KAZN: variants seen among roughly 807,000 people sequenced by gnomAD.
The protein encoded by KAZN is kazrin, periplakin interacting protein.
A neutral mutation model predicts 87.4 loss-of-function variants in KAZN; 40 were observed. That is an observed-to-expected ratio of 0.46 (90% CI 0.36 to 0.60). KAZN has a LOEUF of 0.60. Among genes scored for constraint, KAZN ranks in the 20% least tolerant of loss-of-function variants. The probability of loss-of-function intolerance (pLI) is 0.00; values close to 1 mark genes in which losing one functional copy is unlikely to be tolerated. For synonymous variants in KAZN, 466 were observed against 458.3 expected, an observed-to-expected ratio of 1.02 and a Z score of -0.22; for missense variants, 898 against 1,073.9, an observed-to-expected ratio of 0.84 and a Z score of 2.29.
chr1:14,353,661 A>T (rs145033305), intron 2 of KAZN, among the ~76,000 whole-genome samples: 1 of 152,370 alleles, frequency 6.6e-6, no homozygotes, highest in East Asian at 1.9e-4. Context: ...AAACAATTGG[A>T]AAGCAAAATA....
chr1:13,978,267 G>C (rs1638472928), intron 1 of KAZN, among the ~76,000 whole-genome samples: 1 of 151,798 alleles, frequency 6.6e-6, no homozygotes, highest in Non-Finnish European at 1.5e-5. Flanking sequence ...CAGTTAGCTA[G>C]AGCCTACGTA....
chr1:14,298,934 G>A (rs1470330318), intron 2 of KAZN, among the ~76,000 whole-genome samples: 3 of 152,200 alleles, frequency 2.0e-5, no homozygotes, highest in African/African-American at 7.2e-5. Flanking sequence ...GTGCAGGCGT[G>A]GTAGTCTGGC....
At chr1:14,025,096 A>G (rs1035920900) in intron 1 of KAZN, among the ~76,000 whole-genome samples, 2 of 152,246 alleles carry the variant, frequency 1.3e-5, no homozygotes, top group African/African-American at 4.8e-5. Flanking sequence ...GGTTCCTCCC[A>G]GAGTTCCAAA....
At chr1:14,641,611 A>C (rs913539208) in intron 1 of KAZN, among the ~76,000 whole-genome samples, 8 of 152,158 alleles carry the variant, frequency 5.3e-5, no homozygotes, top group Admixed American at 2.0e-4. Context: ...AGACTAGAAG[A>C]AGCAGCCAGG....
chr1:15,034,692 A>G, intron 2 of KAZN, 57 bp from the exon 3 acceptor site: 1 of 1,599,938 alleles, frequency 6.3e-7, no homozygotes, highest in Non-Finnish European at 8.5e-7. Context: ...CTCAGCACTC[A>G]GGCATCTGGA....
intron 2 of KAZN, among the ~76,000 whole-genome samples, chr1:14,579,749 G>C (rs1675426002): frequency 6.6e-6 from 1 of 152,128 alleles, no homozygotes; most frequent in Admixed American, 6.5e-5. Context: ...AACACACTGA[G>C]TGGCTGCTGT....
intron 1 of KAZN, among the ~76,000 whole-genome samples, chr1:14,064,875 C>T (rs1252670738): frequency 6.6e-6 from 1 of 152,202 alleles, no homozygotes; most frequent in Non-Finnish European, 1.5e-5. Context: ...TTGTCCAGGC[C>T]AGTCCCCACC....
intron 1 of KAZN, among the ~76,000 whole-genome samples, chr1:13,981,718 G>T (rs985803608): frequency 2.0e-5 from 3 of 152,192 alleles, no homozygotes; most frequent in African/African-American, 4.8e-5. Flanking sequence ...TTCACCTCCA[G>T]CGTATGAATG....
chr1:15,101,904 C>A, intron 11 of KAZN, 130 bp downstream of exon 11: 1 of 666,968 alleles, frequency 1.5e-6, no homozygotes, highest in Non-Finnish European at 2.7e-6. Flanking sequence ...CATCATCCAG[C>A]CATCCATTTA....
intron 1 of KAZN, among the ~76,000 whole-genome samples, chr1:14,800,123 G>A (rs185275067): frequency 1.3e-5 from 2 of 152,256 alleles, no homozygotes; most frequent in African/African-American, 2.4e-5. Context: ...TTTACGGGAG[G>A]CAGAATCCTA....
chr1:14,886,463 C>CACACACACAG (rs397979311), intron 1 of KAZN, among the ~76,000 whole-genome samples: 2 of 135,872 alleles, frequency 1.5e-5, no homozygotes, highest in African/African-American at 5.2e-5. Flanking sequence ...CACACACACA[C>CACACACACAG]AGAGAGAGAC....
At chr1:14,767,850 C>T (rs538910378) in intron 1 of KAZN, among the ~76,000 whole-genome samples, 8 of 152,248 alleles carry the variant, frequency 5.3e-5, no homozygotes, top group African/African-American at 1.9e-4. Context: ...GAAAAGAGGA[C>T]CTTGAGCTGC....
intron 1 of KAZN, among the ~76,000 whole-genome samples, chr1:14,630,773 C>A (rs1002339125): frequency 3.3e-5 from 5 of 152,136 alleles, no homozygotes; most frequent in Admixed American, 3.3e-4. Flanking sequence ...AGCCTGGATT[C>A]AAACTTCAGG....
At chr1:14,036,390 G>A (rs1441453449) in intron 1 of KAZN, among the ~76,000 whole-genome samples, 1 of 152,190 alleles carries the variant, frequency 6.6e-6, no homozygotes, top group Non-Finnish European at 1.5e-5. Context: ...TTCATGTTCT[G>A]CACAGGCCGG....
At chr1:14,966,330 G>A (rs992025653) in intron 2 of KAZN, among the ~76,000 whole-genome samples, 5 of 152,096 alleles carry the variant, frequency 3.3e-5, no homozygotes, top group Middle Eastern at 3.2e-3. Context: ...AAACAGATTC[G>A]AGTGAGAAGA....
At chr1:14,870,002 G>A (rs1651963792) in intron 1 of KAZN, among the ~76,000 whole-genome samples, 1 of 152,156 alleles carries the variant, frequency 6.6e-6, no homozygotes, top group Non-Finnish European at 1.5e-5. Context: ...AGAGAGGTAA[G>A]AAAAATCACA....
chr1:15,070,029 C>A (rs1432795295), intron 8 of KAZN, among the ~76,000 whole-genome samples: 1 of 152,214 alleles, frequency 6.6e-6, no homozygotes, highest in Admixed American at 6.5e-5. Context: ...GATGAGAAAA[C>A]AGACGTTGAG....
At chr1:14,185,265 T>C (rs1646280108) in intron 2 of KAZN, among the ~76,000 whole-genome samples, 2 of 152,154 alleles carry the variant, frequency 1.3e-5, no homozygotes, top group Admixed American at 1.3e-4. Flanking sequence ...ACTCTGACAT[T>C]AGAACCAGGG....
intron 1 of KAZN, among the ~76,000 whole-genome samples, chr1:13,969,888 C>T (rs1166512833): frequency 6.6e-6 from 1 of 152,164 alleles, no homozygotes; most frequent in African/African-American, 2.4e-5. Context: ...AACAGCTAAA[C>T]ATTATTGATT....
Sources: allele counts gnomAD v4.1 joint callset (sites outside exome capture counted in the v4.1 genomes callset), GRCh38; gene constraint gnomAD v4.1.1; transcripts MANE v1.5; gene names NCBI Gene and HGNC (gene_info 2026-07-23, HGNC 2026-07-21).